COL4A6: variants seen among roughly 807,000 people sequenced by gnomAD.
The protein encoded by COL4A6 is collagen alpha-6(IV) chain.
COL4A6 carries 59 observed loss-of-function variants against 126.7 expected under a neutral mutation model. That is an observed-to-expected ratio of 0.47 (90% confidence interval 0.38 to 0.58). The LOEUF (loss-of-function observed/expected upper bound fraction) is 0.58, where lower values mean the gene tolerates loss of function less well. Ranked by LOEUF, COL4A6 falls within the 20% of genes least tolerant of loss-of-function variation. The pLI is 0.00. For missense variants in COL4A6, 1,285 were observed against 1,337.3 expected, an observed-to-expected ratio of 0.96 and a Z score of 0.61; for synonymous variants, 547 against 496.6, an observed-to-expected ratio of 1.10 and a Z score of -1.35.
intron 2 of COL4A6, among the ~76,000 whole-genome samples, chrX:108,391,546 C>A (rs1441500240): frequency 8.9e-6 from 1 of 111,818 alleles, no homozygotes; most frequent in African/African-American, 3.3e-5. Flanking sequence ...CCACCAAGCT[C>A]CCAGTCGACC....
intron 2 of COL4A6, among the ~76,000 whole-genome samples, chrX:108,361,581 T>C (rs2040085412): frequency 9.0e-6 from 1 of 111,552 alleles, no homozygotes; most frequent in Non-Finnish European, 1.9e-5. Context: ...TGGGACAACA[T>C]TCGATTTTAG....
intron 3 of COL4A6, among the ~76,000 whole-genome samples, chrX:108,259,592 T>A (rs1163895887): frequency 9.0e-6 from 1 of 111,676 alleles, no homozygotes; most frequent in Non-Finnish European, 1.9e-5. Context: ...CCCATTATTC[T>A]TTAAGCCTTG....
intron 2 of COL4A6, among the ~76,000 whole-genome samples, chrX:108,384,346 C>A (rs2040636756): frequency 8.9e-6 from 1 of 112,250 alleles, no homozygotes; most frequent in Admixed American, 9.4e-5. Flanking sequence ...AACCAAACAT[C>A]ATTTTCCTTA....
At chrX:108,433,994 A>C (rs2064218535) in intron 2 of COL4A6, among the ~76,000 whole-genome samples, 3 of 111,948 alleles carry the variant, frequency 2.7e-5, no homozygotes, top group Non-Finnish European at 5.6e-5. Context: ...AATATTAATA[A>C]TTGAGGTCAA....
At chrX:108,293,425 C>T (rs2038229870) in intron 3 of COL4A6, among the ~76,000 whole-genome samples, 1 of 111,481 alleles carries the variant, frequency 9.0e-6, no homozygotes, top group African/African-American at 3.3e-5. Flanking sequence ...TGTGTTCAGG[C>T]AGCCTATTTG....
At chrX:108,245,143 A>G (rs1282251379) in intron 3 of COL4A6, among the ~76,000 whole-genome samples, 2 of 112,444 alleles carry the variant, frequency 1.8e-5, no homozygotes, top group Non-Finnish European at 3.8e-5. Context: ...TTAAAAGACT[A>G]TTTTAACAGA....
chrX:108,419,131 T>A (rs1419737108), intron 2 of COL4A6, among the ~76,000 whole-genome samples: 1 of 112,276 alleles, frequency 8.9e-6, no homozygotes, highest in Non-Finnish European at 1.9e-5. Context: ...ATATAAAAAG[T>A]AACTCCAAAC....
At chrX:108,228,679 G>T (rs1260235577) in intron 3 of COL4A6, among the ~76,000 whole-genome samples, 1 of 111,759 alleles carries the variant, frequency 8.9e-6, no homozygotes, top group Non-Finnish European at 1.9e-5. Context: ...GAAGGGTGGG[G>T]GAAGCCCCTT....
At chrX:108,414,440 G>A (rs2041392925) in intron 2 of COL4A6, among the ~76,000 whole-genome samples, 1 of 110,683 alleles carries the variant, frequency 9.0e-6, no homozygotes, top group African/African-American at 3.3e-5. Flanking sequence ...GTTATGGCAA[G>A]TCTGTGGGTT....
intron 2 of COL4A6, among the ~76,000 whole-genome samples, chrX:108,337,464 T>G (rs1272271780): frequency 8.8e-6 from 1 of 113,121 alleles, no homozygotes; most frequent in African/African-American, 3.2e-5. Flanking sequence ...CTGTTTATTC[T>G]ACTGTATTTT....
chrX:108,306,167 G>T (rs978592871), intron 3 of COL4A6, among the ~76,000 whole-genome samples: 2 of 111,853 alleles, frequency 1.8e-5, no homozygotes, highest in Admixed American at 1.9e-4. Context: ...AGAGAAGAAG[G>T]TGTCTTATAT....
chrX:108,278,379 A>G (rs2037684024), intron 3 of COL4A6, among the ~76,000 whole-genome samples: 1 of 112,349 alleles, frequency 8.9e-6, no homozygotes, highest in African/African-American at 3.2e-5. Context: ...ATCAACTGGA[A>G]GAAAGGGTAT....
chrX:108,254,412 C>G (rs2036937785), intron 3 of COL4A6, among the ~76,000 whole-genome samples: 1 of 111,896 alleles, frequency 8.9e-6, no homozygotes, highest in African/African-American at 3.2e-5. Flanking sequence ...ATTCTACAAT[C>G]TTCTTCCATA....
chrX:108,340,913 G>A (rs191920852), intron 2 of COL4A6, among the ~76,000 whole-genome samples: 1 of 110,127 alleles, frequency 9.1e-6, no homozygotes, highest in East Asian at 2.9e-4. Context: ...TAAAGGCCAT[G>A]AAAGGAAAAA....
intron 3 of COL4A6, among the ~76,000 whole-genome samples, chrX:108,282,589 T>C (rs370334607): frequency 1.8e-5 from 2 of 110,639 alleles, no homozygotes; most frequent in African/African-American, 3.3e-5. Flanking sequence ...GTCAGTGTGG[T>C]GATTCCTCAG....
chrX:108,198,532 T>G (rs2035290851), intron 13 of COL4A6, among the ~76,000 whole-genome samples: 1 of 111,567 alleles, frequency 9.0e-6, no homozygotes, highest in South Asian at 3.8e-4. Context: ...GGCTGTGCTG[T>G]AGGTTCAACT....
At chrX:108,437,399 C>T (rs1402657134) in intron 2 of COL4A6, among the ~76,000 whole-genome samples, 3 of 111,714 alleles carry the variant, frequency 2.7e-5, no homozygotes, top group Non-Finnish European at 5.6e-5. Flanking sequence ...ACGAGTAACA[C>T]GACACATCAG....
At chrX:108,417,238 C>A (rs2041452626) in intron 2 of COL4A6, among the ~76,000 whole-genome samples, 1 of 111,705 alleles carries the variant, frequency 9.0e-6, no homozygotes, top group Non-Finnish European at 1.9e-5. Context: ...AAGGACTCTG[C>A]CTGATATCAG....
In COL4A6 at chrX:108,221,283, C is replaced by T; in HGVS notation, c.236G>A (p.Gly79Asp). The T allele has an allele frequency of 8.3e-7, 1 of 1,211,605 alleles. No individual in the cohort carries two copies. ...TGLSGLKGER[G>D]FPGLLGPYGP... ...ATAAGGTCCCAGAAGGCCTGGGAAA[C>T]CCCTTTCTCCTTTCAATCCCGATAA... Residue 79 changes from glycine (G) to aspartate (D), a missense_variant, in exon 4 of 45, where the codon GGT becomes GAT. Physicochemically the swap from Gly to Asp is moderately conservative, Grantham distance 94. Coordinates refer to ENST00000334504, the MANE Select transcript of COL4A6 (RefSeq NM_033641.4).
Sources: gnomAD v4.1 joint callset for allele counts (sites outside exome capture counted in the v4.1 genomes callset) on GRCh38, gnomAD v4.1.1 for gene constraint, MANE v1.5 for transcripts, NCBI Gene and HGNC (gene_info 2026-07-23, HGNC 2026-07-21) for gene names.